Variants in CCNY observed in about 807,000 individuals in gnomAD.
CCNY encodes the protein cyclin-Y.
Under a neutral mutation model 42.8 loss-of-function variants are expected in CCNY, and 19 were observed. That is an observed-to-expected ratio of 0.44 (90% confidence interval 0.31 to 0.65). CCNY has a LOEUF of 0.65. Ranked by LOEUF, CCNY falls within the 30% of genes least tolerant of loss-of-function variation. The pLI is 0.07. For missense variants in CCNY, 370 were observed against 437.3 expected, an observed-to-expected ratio of 0.85 and a Z score of 1.37; for synonymous variants, 165 against 162.7, an observed-to-expected ratio of 1.01 and a Z score of -0.11.
At chr10:35,544,490 A>G (rs1226648646) in intron 7 of CCNY, among the ~76,000 whole-genome samples, 1 of 152,202 alleles carries the variant, frequency 6.6e-6, no homozygotes. Context: ...ACTCTATGGT[A>G]TTCCCACAAG....
At chr10:35,270,936 G>A (rs958223330) in intron 3 of CCNY, among the ~76,000 whole-genome samples, 5 of 151,682 alleles carry the variant, frequency 3.3e-5, no homozygotes, top group South Asian at 2.1e-4. Flanking sequence ...CGTGTTAGCC[G>A]GGATGGTCTC....
chr10:35,457,517 A>T (rs1839063160), intron 1 of CCNY, among the ~76,000 whole-genome samples: 1 of 152,130 alleles, frequency 6.6e-6, no homozygotes, highest in African/African-American at 2.4e-5. Flanking sequence ...CATAAAACAG[A>T]TTTATATGTT....
At chr10:35,312,152 C>T (rs1446841482) in intron 3 of CCNY, among the ~76,000 whole-genome samples, 4 of 151,788 alleles carry the variant, frequency 2.6e-5, no homozygotes, top group African/African-American at 4.8e-5. Flanking sequence ...CTGAGGCAGG[C>T]GGATCACGAG....
intron 2 of CCNY, among the ~76,000 whole-genome samples, chr10:35,495,040 T>C (rs1053786274): frequency 5.9e-5 from 9 of 152,228 alleles, no homozygotes. Flanking sequence ...TTCACATTTT[T>C]GGATTTGGGA....
intron 3 of CCNY, among the ~76,000 whole-genome samples, chr10:35,251,589 CTTTTT>C (rs34197441): frequency 7.2e-6 from 1 of 139,342 alleles, no homozygotes. Flanking sequence ...TTCAATGTCA[CTTTTT>C]TTTTTTTTTT....
chr10:35,365,609 T>C (rs1396417395), intron 1 of CCNY, among the ~76,000 whole-genome samples: 1 of 152,232 alleles, frequency 6.6e-6, no homozygotes, highest in Non-Finnish European at 1.5e-5. Flanking sequence ...GTCACTTCTT[T>C]CCATTTAATC....
intron 1 of CCNY, among the ~76,000 whole-genome samples, chr10:35,428,999 A>T (rs910864535): frequency 6.6e-6 from 1 of 152,088 alleles, no homozygotes; most frequent in South Asian, 2.1e-4. Context: ...AGTTGTAATA[A>T]TTTTTCCTGT....
intron 3 of CCNY, among the ~76,000 whole-genome samples, chr10:35,505,146 T>C (rs1238446818): frequency 1.3e-5 from 2 of 150,446 alleles, no homozygotes; most frequent in African/African-American, 4.9e-5. Flanking sequence ...TAAGAATCAC[T>C]CCTGAAAAAA....
intron 3 of CCNY, among the ~76,000 whole-genome samples, chr10:35,260,150 C>T (rs2095718535): frequency 3.9e-5 from 6 of 152,118 alleles, no homozygotes; most frequent in Admixed American, 3.9e-4. Flanking sequence ...CTCCTCTCCC[C>T]CATGCCTCTT....
At chr10:35,547,956 T>C (rs1006382826) in intron 7 of CCNY, among the ~76,000 whole-genome samples, 1 of 152,162 alleles carries the variant, frequency 6.6e-6, no homozygotes, top group Non-Finnish European at 1.5e-5. Context: ...TCCATTTTAT[T>C]ATCAGTATAC....
chr10:35,313,745 G>A (rs111999745), intron 3 of CCNY, among the ~76,000 whole-genome samples: 1 of 152,164 alleles, frequency 6.6e-6, no homozygotes, highest in African/African-American at 2.4e-5. Context: ...GGCTGAGGCA[G>A]GTGAACTGCT....
intron 8 of CCNY, among the ~76,000 whole-genome samples, chr10:35,562,439 G>A (rs1841484665): frequency 6.6e-6 from 1 of 152,174 alleles, no homozygotes; most frequent in Admixed American, 6.6e-5. Flanking sequence ...TTCGCAAACT[G>A]AAACTCTCCC....
chr10:35,323,776 C>T lies in CCNY; in HGVS notation c.-9+73150C>T, dbSNP rs554148124. Among the ~76,000 whole-genome samples the T allele has an allele frequency of 3.9e-5, 6 of 152,172 alleles. No individual in the cohort carries two copies. In the South Asian group the frequency reaches 1.2e-3, roughly 32 times the overall value. ...GCTCCCACCTGTAATCCCAGCATGT[C>T]CGGAGGCCAGGGAAGGCAGATCACC... On this transcript the variant is annotated intron_variant, in intron 3 of 11. Coordinates refer to the CCNY transcript ENST00000374706.
At chr10:35,250,945 T>C (rs2095711547) in intron 3 of CCNY, 2 of 152,242 alleles carry the variant, frequency 1.3e-5, no homozygotes, top group Admixed American at 1.3e-4. Context: ...GTGAATGTCA[T>C]CTCAAGATTT....
At chr10:35,466,764 GT>G (rs1839278835) in intron 1 of CCNY, among the ~76,000 whole-genome samples, 1 of 152,144 alleles carries the variant, frequency 6.6e-6, no homozygotes. Context: ...AAATTTTAAG[GT>G]TTGGTTTTGT....
intron 1 of CCNY, among the ~76,000 whole-genome samples, chr10:35,421,184 G>A (rs958745618): frequency 1.3e-5 from 2 of 152,240 alleles, no homozygotes; most frequent in African/African-American, 4.8e-5. Flanking sequence ...CCACTCAGGT[G>A]TTGTTCCTGG....
In CCNY at chr10:35,507,794, T is replaced by G. The variant is rs1221831257; in HGVS notation, c.264+6259T>G. Reference sequence around the variant, plus strand: ...CACTGTTGAAGAATACAGGGCCAGTTTTTTTTTTTTTTTTAAATAATAATG... The same window carrying G: ...CACTGTTGAAGAATACAGGGCCAGTGTTTTTTTTTTTTTTAAATAATAATG... On this transcript the variant is annotated intron_variant, in intron 3 of 9. Coordinates refer to ENST00000374704, the MANE Select transcript of CCNY (RefSeq NM_145012.6). Among the ~76,000 whole-genome samples the G allele has an allele frequency of 3.5e-4, 4 of 11,430 alleles. No homozygotes were observed. In the Non-Finnish European group the frequency reaches 0.033, roughly 94 times the overall value. The allele number at this position is 11,430 out of a possible 152,430, so 7.5% of individuals were successfully genotyped here. A position where few individuals can be genotyped will look rare whatever the true frequency, so the allele number is the denominator to read the frequency against.
chr10:35,286,336 T>C (rs1417337891), intron 3 of CCNY, among the ~76,000 whole-genome samples: 1 of 152,040 alleles, frequency 6.6e-6, no homozygotes, highest in Non-Finnish European at 1.5e-5. Context: ...ACTTTTCAGT[T>C]TACTAAGAAT....
At chr10:35,325,696 C>A (rs1251789645) in intron 3 of CCNY, among the ~76,000 whole-genome samples, 2 of 149,826 alleles carry the variant, frequency 1.3e-5, no homozygotes, top group African/African-American at 4.9e-5. Context: ...CTTGAACTCC[C>A]TATCTCAGGT....
Sources: allele counts gnomAD v4.1 joint callset (sites outside exome capture counted in the v4.1 genomes callset), GRCh38; gene constraint gnomAD v4.1.1; transcripts MANE v1.5; gene names NCBI Gene and HGNC (gene_info 2026-07-23, HGNC 2026-07-21).